Variants in NFASC observed in about 807,000 individuals in gnomAD.
NFASC encodes the protein neurofascin, also known as neurofascin homolog.
In NFASC, 43 loss-of-function variants were observed where a neutral mutation model predicts 147.5. The observed-to-expected ratio is 0.29, with a 90% CI of 0.23 to 0.38. NFASC has a LOEUF of 0.38. Ranked by LOEUF, NFASC falls within the 10% of genes least tolerant of loss-of-function variation. The probability of loss-of-function intolerance (pLI) is 1.00; values close to 1 mark genes in which losing one functional copy is unlikely to be tolerated. For missense variants in NFASC, 1,320 were observed against 1,689.0 expected (o/e 0.78, Z 3.83); for synonymous variants, 622 against 665.5 (o/e 0.93, Z 1.01).
At chr1:204,912,745 A>C (rs2149345259) in intron 1 of NFASC, among the ~76,000 whole-genome samples, 1 of 152,076 alleles carries the variant, frequency 6.6e-6, no homozygotes, top group East Asian at 1.9e-4. Context: ...TGGTCTAGGC[A>C]CAAAGGCTCA....
chr1:204,950,447 A>G (rs2094024452), intron 3 of NFASC, 110 bp from the exon 4 acceptor site: 1 of 1,019,970 alleles, frequency 9.8e-7, no homozygotes, highest in Non-Finnish European at 1.5e-6. Flanking sequence ...CTCCCCAGGC[A>G]CACCCCGCCC....
At chr1:204,841,276 T>A (rs1338875057) in intron 1 of NFASC, among the ~76,000 whole-genome samples, 1 of 152,232 alleles carries the variant, frequency 6.6e-6, no homozygotes, top group South Asian at 2.1e-4. Context: ...GGAACCACCT[T>A]GCCCCACATA....
chr1:204,835,917 C>T (rs973176050), intron 1 of NFASC, among the ~76,000 whole-genome samples: 7 of 152,188 alleles, frequency 4.6e-5, no homozygotes, highest in Admixed American at 4.6e-4. Flanking sequence ...GTTTTGTTCT[C>T]AGATCTTGTG....
intron 1 of NFASC, among the ~76,000 whole-genome samples, chr1:204,833,947 A>G (rs60558125): frequency 0.16 from 24,077 of 152,170 alleles, 2,688 homozygotes; most frequent in East Asian, 0.5. Context: ...GAAAGGCCCA[A>G]TGTAATACCT....
At chr1:204,952,228 T>G (rs2094166117) in intron 5 of NFASC, 112 bp downstream of exon 5, 8 of 819,210 alleles carry the variant, frequency 9.8e-6, no homozygotes, top group Middle Eastern at 4.6e-4. Context: ...TCCAAAAAAT[T>G]TCCATTAGGC....
intron 25 of NFASC, chr1:204,999,747 CAGG>C (rs2095932710): frequency 1.3e-5 from 2 of 152,196 alleles, no homozygotes; most frequent in South Asian, 4.1e-4. Flanking sequence ...AAGTGAAAAC[CAGG>C]AGATCTTTTA....
chr1:204,893,527 A>G (rs187468135), intron 1 of NFASC, among the ~76,000 whole-genome samples: 64 of 152,346 alleles, frequency 4.2e-4, no homozygotes, highest in Non-Finnish European at 7.1e-4. Context: ...GAAGTGATCT[A>G]GCAGCAGGGC....
intron 1 of NFASC, among the ~76,000 whole-genome samples, chr1:204,833,533 A>G (rs780788452): frequency 3.3e-5 from 5 of 151,392 alleles, no homozygotes; most frequent in Non-Finnish European, 7.4e-5. Context: ...CTTTCTAGGA[A>G]AATCTGTTAG....
chr1:204,962,569 G>A (rs2094730811), intron 8 of NFASC, among the ~76,000 whole-genome samples: 1 of 152,232 alleles, frequency 6.6e-6, no homozygotes, highest in South Asian at 2.1e-4. Flanking sequence ...AAAGAACACA[G>A]AAAGCTTGTT....
chr1:204,835,390 G>A (rs760174029), intron 1 of NFASC, among the ~76,000 whole-genome samples: 5 of 151,752 alleles, frequency 3.3e-5, no homozygotes, highest in African/African-American at 1.2e-4. Flanking sequence ...ACCACACCCC[G>A]CTAATTTTTG....
At position 204,834,976 on chromosome 1, in the gene NFASC, CTCA is replaced by C. The variant is rs542901320; in HGVS notation, c.-200+6204_-200+6206del. Reference sequence around the variant, plus strand: ...AACCTCCTAAGAAGGTCTAATTATTCTCATCATCATCACCAAGCACCTGCTATT... The same window carrying C: ...AACCTCCTAAGAAGGTCTAATTATTCTCATCATCACCAAGCACCTGCTATT... On this transcript the variant is annotated intron_variant, in intron 1 of 29. Transcript: ENST00000339876. Among the ~76,000 whole-genome samples, 378 of 152,212 alleles carry C rather than the reference CTCA, an allele frequency of 2.5e-3. 1 individual carries two copies. The highest frequency in any genetic ancestry group is 4.3e-3 in the Non-Finnish European group (292 of 68,018).
chr1:204,986,243 A>G lies in NFASC; in HGVS notation c.2471-1175A>G, dbSNP rs534157813. 66 of 674,742 alleles carry G rather than the reference A, an allele frequency of 9.8e-5. 1 individual carries two copies. Among genetic ancestry groups the G allele is most frequent in the Non-Finnish European group, 1.6e-4 (61 of 382,720 alleles). 41.8% of individuals were successfully genotyped at this position (674,742 alleles called of 1,614,324 possible). On this transcript the variant is annotated intron_variant, in intron 21 of 29. Coordinates refer to ENST00000339876, the MANE Select transcript of NFASC (RefSeq NM_001005388.3). This position sits in a 1 kb window ranked among gnomAD's most constrained non-coding sequence, Gnocchi z 4.2. ...ACTTCTGCGAGGCCTCCAGGAGCGG[A>G]TGACCTGCAAGCCGAGCCACTACAG...
chr1:204,930,854 G>A (rs764663318), intron 2 of NFASC, among the ~76,000 whole-genome samples: 10 of 152,206 alleles, frequency 6.6e-5, no homozygotes, highest in African/African-American at 9.7e-5. Context: ...CAGGCCTGGA[G>A]GCTGGTGTGG....
chr1:204,960,590 G>A (rs986199245), intron 8 of NFASC, among the ~76,000 whole-genome samples: 18 of 152,210 alleles, frequency 1.2e-4, no homozygotes, highest in South Asian at 1.0e-3. Context: ...AGTTCTGGGC[G>A]TGGGCTACTT....
intron 29 of NFASC, among the ~76,000 whole-genome samples, chr1:205,013,405 G>A (rs971168030): frequency 2.6e-5 from 4 of 152,142 alleles, no homozygotes; most frequent in African/African-American, 9.7e-5. Context: ...AGACTGGAAT[G>A]GGCCTTGGAA....
At chr1:204,886,874 A>G (rs1310408045) in intron 1 of NFASC, among the ~76,000 whole-genome samples, 1 of 152,164 alleles carries the variant, frequency 6.6e-6, no homozygotes, top group Non-Finnish European at 1.5e-5. Context: ...GCAGGACCCT[A>G]TCGAATTCAA....
intron 2 of NFASC, among the ~76,000 whole-genome samples, chr1:204,922,830 G>A (rs2149464503): frequency 6.6e-6 from 1 of 152,322 alleles, no homozygotes; most frequent in East Asian, 1.9e-4. Flanking sequence ...TGAGCGTACA[G>A]TAAGTTCTGA....
At chr1:204,883,103 A>G (rs949032868) in intron 1 of NFASC, among the ~76,000 whole-genome samples, 2 of 152,128 alleles carry the variant, frequency 1.3e-5, no homozygotes, top group Non-Finnish European at 2.9e-5. Context: ...CCGATCTTAA[A>G]CAGTAGTTAC....
chr1:204,998,067 T>C (rs2095886116), intron 25 of NFASC: 1 of 153,286 alleles, frequency 6.5e-6, no homozygotes, highest in Non-Finnish European at 1.5e-5. Flanking sequence ...AATGCAGGCA[T>C]GGAGGGAAAA....
Sources: gnomAD v4.1 joint callset for allele counts (sites outside exome capture counted in the v4.1 genomes callset) on GRCh38, gnomAD v4.1.1 for gene constraint, Gnocchi (gnomAD v3.1) non-coding constraint, MANE v1.5 for transcripts, NCBI Gene and HGNC (gene_info 2026-07-23, HGNC 2026-07-21) for gene names.